The following KLHL32 variants were observed in gnomAD, a reference collection of about 807,000 sequenced individuals.
KLHL32 encodes the protein kelch like family member 32.
A neutral mutation model predicts 64.8 loss-of-function variants in KLHL32; 35 were observed. The observed-to-expected ratio is 0.54, with a 90% confidence interval of 0.41 to 0.72. The LOEUF is 0.72. KLHL32 is among the 30% of genes least tolerant of loss of function. The probability of loss-of-function intolerance (pLI) is 0.00; values close to 1 mark genes in which losing one functional copy is unlikely to be tolerated. For missense variants in KLHL32, 589 were observed against 768.5 expected (o/e 0.77, Z 2.76); for synonymous variants, 259 against 281.0 (o/e 0.92, Z 0.78).
chr6:97,074,123 T>A (rs1380174831), intron 5 of KLHL32, among the ~76,000 whole-genome samples: 1 of 152,194 alleles, frequency 6.6e-6, no homozygotes, highest in Non-Finnish European at 1.5e-5. Flanking sequence ...ACAGAGTCAT[T>A]CCTGTCTTCA....
intron 5 of KLHL32, among the ~76,000 whole-genome samples, chr6:97,065,614 T>C (rs1789625337): frequency 2.0e-5 from 3 of 152,230 alleles, no homozygotes; most frequent in Admixed American, 1.3e-4. Context: ...ATTAAAAAAT[T>C]AATTTGAAGA....
chr6:97,042,672 G>A (rs957701610), intron 4 of KLHL32, among the ~76,000 whole-genome samples: 1 of 151,958 alleles, frequency 6.6e-6, no homozygotes, highest in African/African-American at 2.4e-5. Flanking sequence ...TAGCAATGTT[G>A]AACTATACAA....
chr6:96,972,413 T>C (rs999005503), intron 2 of KLHL32, among the ~76,000 whole-genome samples: 1 of 152,170 alleles, frequency 6.6e-6, no homozygotes. Flanking sequence ...TACTATTGTA[T>C]TGATACAACA....
At chr6:96,932,208 T>A (rs1387949351) in intron 1 of KLHL32, among the ~76,000 whole-genome samples, 2 of 150,026 alleles carry the variant, frequency 1.3e-5, no homozygotes, top group African/African-American at 4.9e-5. Flanking sequence ...CTGGGTTATT[T>A]TTTTTTTTTT....
intron 1 of KLHL32, among the ~76,000 whole-genome samples, chr6:96,939,927 G>A (rs1771080562): frequency 6.6e-6 from 1 of 152,064 alleles, no homozygotes; most frequent in African/African-American, 2.4e-5. Flanking sequence ...GAATAGAGAA[G>A]GAGAGAAATT....
At chr6:96,967,797 T>C (rs753005221) in intron 2 of KLHL32, among the ~76,000 whole-genome samples, 3 of 152,070 alleles carry the variant, frequency 2.0e-5, no homozygotes, top group Non-Finnish European at 4.4e-5. Context: ...ACAGGATAGA[T>C]AGAGCAAGAA....
intron 6 of KLHL32, among the ~76,000 whole-genome samples, chr6:97,104,769 C>T (rs1353896596): frequency 2.0e-5 from 3 of 152,104 alleles, no homozygotes; most frequent in African/African-American, 7.2e-5. Context: ...TTTTAATATT[C>T]CTCCATGGTA....
intron 3 of KLHL32, among the ~76,000 whole-genome samples, chr6:96,998,082 C>T (rs1014835791): frequency 6.6e-6 from 1 of 152,208 alleles, no homozygotes; most frequent in Non-Finnish European, 1.5e-5. Flanking sequence ...AGCCTTCTGC[C>T]TTATTCCTAG....
chr6:97,059,410 C>A (rs1788515206), intron 4 of KLHL32, among the ~76,000 whole-genome samples: 1 of 152,182 alleles, frequency 6.6e-6, no homozygotes, highest in Non-Finnish European at 1.5e-5. Flanking sequence ...AGTTTGAATT[C>A]TCTGATTCAT....
chr6:96,951,692 A>T (rs1772637169), intron 1 of KLHL32, among the ~76,000 whole-genome samples: 1 of 152,192 alleles, frequency 6.6e-6, no homozygotes, highest in Non-Finnish European at 1.5e-5. Flanking sequence ...AAATCGCATT[A>T]GTTATAATTT....
chr6:97,111,247 TC>T lies in KLHL32; in HGVS notation c.628-2532del, dbSNP rs1408565986. Among the ~76,000 whole-genome samples, 6 of 152,294 alleles carry T rather than the reference TC, an allele frequency of 3.9e-5. No individual in the cohort carries two copies. The East Asian group carries it at 9.7e-4, about 25-fold the overall frequency. On this transcript the variant is annotated intron_variant, in intron 6 of 10. Transcript: ENST00000369261. ...AGAGAGATGGCAGTGTTGCATCCTG[TC>T]CCCTGCAAGAGGCATAGCTCAGAAG...
the KLHL32 span, among the ~76,000 whole-genome samples, chr6:96,917,087 A>C: frequency 3.9e-5 from 6 of 152,244 alleles, no homozygotes; most frequent in South Asian, 2.1e-4. Context: ...GCCTTATTAA[A>C]TTGCAAGGAT....
intron 3 of KLHL32, among the ~76,000 whole-genome samples, chr6:96,977,188 C>T (rs1323231034): frequency 6.6e-6 from 1 of 152,158 alleles, no homozygotes; most frequent in East Asian, 1.9e-4. Context: ...TTGATCCTCA[C>T]AACAACCCAT....
intron 5 of KLHL32, among the ~76,000 whole-genome samples, chr6:97,079,887 C>A (rs1463840951): frequency 6.6e-6 from 1 of 152,002 alleles, no homozygotes; most frequent in Non-Finnish European, 1.5e-5. Flanking sequence ...GTAAGATTTT[C>A]TTTTACTCAA....
chr6:97,050,729 G>T lies in KLHL32; in HGVS notation c.312+9130G>T, dbSNP rs1408585397. 2.0e-5 allele frequency among the ~76,000 whole-genome samples: 3 copies of T among 152,142 alleles called. No homozygotes were observed. In the East Asian group the frequency reaches 5.8e-4, roughly 29 times the overall value. ...AATGAAAACACAATGTGGGCTGGAC[G>T]CAGTGGCTCATGCCTGTAATCCCAG... On this transcript the variant is annotated intron_variant, in intron 4 of 10. Transcript: ENST00000369261.
At chr6:97,084,997 T>A (rs1366648078) in intron 5 of KLHL32, 129 bp from the exon 6 acceptor site, 20 of 671,028 alleles carry the variant, frequency 3.0e-5, no homozygotes, top group South Asian at 3.9e-5. Context: ...TTTTTTTTTT[T>A]ATACTAGCCC....
At chr6:97,067,676 CT>C (rs1479148335) in intron 5 of KLHL32, among the ~76,000 whole-genome samples, 1 of 152,128 alleles carries the variant, frequency 6.6e-6, no homozygotes, top group African/African-American at 2.4e-5. Context: ...GTGTTGTTTT[CT>C]TTTTACAGAT....
intron 8 of KLHL32, 23 bp from the exon 9 acceptor site, chr6:97,130,734 T>A: frequency 4.4e-6 from 7 of 1,590,978 alleles, no homozygotes; most frequent in Non-Finnish European, 6.0e-6. Context: ...ACTAACAGAA[T>A]ACACTTAAAT....
chr6:97,057,424 C>T (rs1418136609), intron 4 of KLHL32, among the ~76,000 whole-genome samples: 2 of 89,424 alleles, frequency 2.2e-5, no homozygotes, highest in African/African-American at 7.1e-5. Context: ...CCTCGTGATC[C>T]GCCCGTCTCG....
Sources: gnomAD v4.1 joint callset for allele counts (sites outside exome capture counted in the v4.1 genomes callset) on GRCh38, gnomAD v4.1.1 for gene constraint, MANE v1.5 for transcripts, NCBI Gene and HGNC (gene_info 2026-07-23, HGNC 2026-07-21) for gene names.